PGGT1B: variants seen among roughly 807,000 people sequenced by gnomAD.
PGGT1B encodes the protein protein geranylgeranyltransferase type I subunit beta.
PGGT1B carries 30 observed loss-of-function variants against 46.1 expected under a neutral mutation model. That is an observed-to-expected ratio of 0.65 (90% CI 0.49 to 0.88). The LOEUF (loss-of-function observed/expected upper bound fraction) is 0.88. PGGT1B is among the 40% of genes least tolerant of loss of function. The pLI, the probability that PGGT1B is intolerant of heterozygous loss-of-function variation, is 0.00. For synonymous variants in PGGT1B, 170 were observed against 160.0 expected (o/e 1.06, Z -0.47); for missense variants, 376 against 455.9 (o/e 0.82, Z 1.60).
intron 5 of PGGT1B, 143 bp from the exon 6 acceptor site, chr5:115,231,164 C>A: frequency 2.0e-6 from 1 of 506,974 alleles, no homozygotes; most frequent in Admixed American, 4.0e-5. Context: ...CGTTTTTCCC[C>A]ATGGAGAAGT....
chr5:115,233,661 T>A (rs9326954), intron 5 of PGGT1B, among the ~76,000 whole-genome samples: 54,403 of 151,098 alleles, frequency 0.36, 10,417 homozygotes, highest in Non-Finnish European at 0.44. Context: ...AAGAAAATGG[T>A]CAATTACACT....
At chr5:115,246,980 G>C (rs1307120844) in intron 2 of PGGT1B, among the ~76,000 whole-genome samples, 3 of 152,130 alleles carry the variant, frequency 2.0e-5, no homozygotes. Flanking sequence ...GTGTTTATGT[G>C]TAAGTATGCA....
At chr5:115,216,307 T>C (rs767936778) in intron 8 of PGGT1B, among the ~76,000 whole-genome samples, 11 of 152,012 alleles carry the variant, frequency 7.2e-5, no homozygotes, top group Non-Finnish European at 1.6e-4. Flanking sequence ...ACCTGGCTGA[T>C]TTTTGTATTT....
chr5:115,254,162 G>C (rs774771167), intron 1 of PGGT1B, among the ~76,000 whole-genome samples: 5 of 151,970 alleles, frequency 3.3e-5, no homozygotes, highest in Non-Finnish European at 4.4e-5. Flanking sequence ...TTAATGTCCT[G>C]AGGTATCCAC....
chr5:115,222,475 G>C (rs1471793036), intron 6 of PGGT1B, among the ~76,000 whole-genome samples: 1 of 152,134 alleles, frequency 6.6e-6, no homozygotes, highest in African/African-American at 2.4e-5. Flanking sequence ...CAACTAGTCA[G>C]CTTAAGAATT....
At chr5:115,234,840 T>G (rs887827433) in intron 5 of PGGT1B, among the ~76,000 whole-genome samples, 1 of 152,008 alleles carries the variant, frequency 6.6e-6, no homozygotes, top group African/African-American at 2.4e-5. Flanking sequence ...TTTTAATATA[T>G]AGACATATAA....
chr5:115,237,484 C>G (rs1339804121), intron 4 of PGGT1B, among the ~76,000 whole-genome samples: 1 of 152,162 alleles, frequency 6.6e-6, no homozygotes, highest in Non-Finnish European at 1.5e-5. Context: ...GTGTTCACCC[C>G]TTTCTTCCCT....
intron 4 of PGGT1B, 100 bp downstream of exon 4, chr5:115,237,758 G>T: frequency 2.1e-6 from 2 of 964,674 alleles, no homozygotes; most frequent in Non-Finnish European, 3.0e-6. Flanking sequence ...GGTTCTAATA[G>T]AGTATGATCC....
intron 8 of PGGT1B, among the ~76,000 whole-genome samples, chr5:115,213,877 A>T (rs1048776872): frequency 6.6e-6 from 1 of 152,246 alleles, no homozygotes; most frequent in African/African-American, 2.4e-5. Context: ...TTTTCAAAAC[A>T]GAAATGACAA....
intron 2 of PGGT1B, among the ~76,000 whole-genome samples, chr5:115,244,081 C>A (rs961912654): frequency 4.6e-5 from 7 of 150,646 alleles, no homozygotes; most frequent in African/African-American, 1.7e-4. Context: ...ACTTTAACTC[C>A]CATCTACACA....
chr5:115,243,262 A>C (rs879925631), intron 2 of PGGT1B, among the ~76,000 whole-genome samples: 2 of 152,230 alleles, frequency 1.3e-5, no homozygotes, highest in Non-Finnish European at 2.9e-5. Context: ...TATGAGAAGA[A>C]ATGCACACTG....
intron 1 of PGGT1B, among the ~76,000 whole-genome samples, chr5:115,254,142 T>C (rs990822828): frequency 2.0e-5 from 3 of 152,046 alleles, no homozygotes; most frequent in African/African-American, 7.2e-5. Flanking sequence ...TTCTAAGAAA[T>C]AGTTAAGCCT....
chr5:115,227,713 T>C (rs912509592), intron 6 of PGGT1B, among the ~76,000 whole-genome samples: 1 of 152,190 alleles, frequency 6.6e-6, no homozygotes, highest in Non-Finnish European at 1.5e-5. Flanking sequence ...TCCACACTTG[T>C]GTATAAAATC....
In PGGT1B at chr5:115,206,762, A is replaced by T. The variant is rs1320126240; in HGVS notation, c.*5640T>A. The T allele has an allele frequency of 6.6e-6, 1 of 152,002 alleles. No homozygotes were observed. The highest frequency in any genetic ancestry group is 2.4e-5 in the African/African-American group (1 of 41,438). 9.4% of individuals were successfully genotyped at this position (152,002 alleles called of 1,614,324 possible). On this transcript the variant is annotated 3_prime_UTR_variant, in exon 9 of 9. Transcript: ENST00000419445. The stretch of plus-strand genomic sequence containing the variant: ...CTTTATGCTAAATCTATAGATAGAG[A>T]GTATCTGGGCCAAAAAGTGTGCACA...
intron 7 of PGGT1B, among the ~76,000 whole-genome samples, chr5:115,219,447 T>C (rs1188385365): frequency 6.6e-6 from 1 of 151,662 alleles, no homozygotes; most frequent in African/African-American, 2.4e-5. Context: ...AATAATTAAC[T>C]CAAAATTGAT....
intron 7 of PGGT1B, among the ~76,000 whole-genome samples, chr5:115,217,630 C>T (rs1012522865): frequency 4.6e-5 from 7 of 152,054 alleles, no homozygotes; most frequent in African/African-American, 1.7e-4. Context: ...GGGTTCAAGA[C>T]ATTTCTGATG....
intron 5 of PGGT1B, among the ~76,000 whole-genome samples, chr5:115,234,360 T>A (rs761501913): frequency 1.3e-4 from 20 of 151,854 alleles, no homozygotes; most frequent in African/African-American, 4.6e-4. Context: ...GGGAACAAGA[T>A]GTTAAGTATG....
At chr5:115,226,277 TG>T (rs1445067035) in intron 6 of PGGT1B, among the ~76,000 whole-genome samples, 6 of 152,148 alleles carry the variant, frequency 3.9e-5, no homozygotes, top group African/African-American at 1.4e-4. Flanking sequence ...AAATGTCCAC[TG>T]GAACATTTCA....
In PGGT1B at chr5:115,204,551, T is replaced by C. The variant is rs1398867514; in HGVS notation, c.*7851A>G. The C allele has an allele frequency of 6.6e-6, 1 of 152,128 alleles. No individual in the cohort carries two copies. The highest frequency in any genetic ancestry group is 2.4e-5 in the African/African-American group (1 of 41,432). The allele number at this position is 152,128 out of a possible 1,614,324, so 9.4% of individuals were successfully genotyped here. ...ACACATTATCAATAACGGAATACCA[T>C]TTTCACCCACCTAGAATGAAAAAAC... is the stretch of plus-strand genomic sequence containing the variant. On this transcript the variant is annotated 3_prime_UTR_variant, in exon 9 of 9. Coordinates refer to ENST00000419445, the MANE Select transcript of PGGT1B (RefSeq NM_005023.4).
Sources: allele counts gnomAD v4.1 joint callset (sites outside exome capture counted in the v4.1 genomes callset), GRCh38; gene constraint gnomAD v4.1.1; transcripts MANE v1.5; gene names NCBI Gene and HGNC (gene_info 2026-07-23, HGNC 2026-07-21).